KDM4C: variants seen among roughly 807,000 people sequenced by gnomAD.
KDM4C encodes the protein lysine-specific demethylase 4C.
Under a neutral mutation model 129.3 loss-of-function variants are expected in KDM4C, and 81 were observed. The observed-to-expected ratio is 0.63, with a 90% CI of 0.52 to 0.75. The LOEUF is 0.75. Among genes scored for constraint, KDM4C ranks in the 30% least tolerant of loss-of-function variants. The pLI is 0.00. For synonymous variants in KDM4C, 573 were observed against 456.1 expected, an observed-to-expected ratio of 1.26 and a Z score of -3.26; for missense variants, 1,457 against 1,304.0, an observed-to-expected ratio of 1.12 and a Z score of -1.81.
At chr9:6,933,405 A>G (rs1426182658) in intron 8 of KDM4C, among the ~76,000 whole-genome samples, 1 of 152,182 alleles carries the variant, frequency 6.6e-6, no homozygotes, top group African/African-American at 2.4e-5. Context: ...GGGCATAACC[A>G]TCAGTGGTTG....
rs1456340353 is a variant in KDM4C at position 7,105,389 on chromosome 9, A to C, written c.2610+1519A>C. On this transcript the variant is annotated intron_variant, in intron 18 of 21. Coordinates refer to ENST00000381309, the MANE Select transcript of KDM4C (RefSeq NM_015061.6). ...ATAAAACATGGTATCCCACCTCACC[A>C]TGTTGTTTTCAGTTCACAGCACAGA... 4 of 467,026 alleles carry C rather than the reference A, an allele frequency of 8.6e-6. No individual in the cohort carries two copies. The Admixed American group carries it at 9.5e-5, about 11-fold the overall frequency. The allele number at this position is 467,026 out of a possible 1,614,324, so 28.9% of individuals were successfully genotyped here. A position where few individuals can be genotyped will look rare whatever the true frequency, so the allele number is the denominator to read the frequency against.
At chr9:7,039,120 A>G (rs1295213613) in intron 15 of KDM4C, among the ~76,000 whole-genome samples, 4 of 151,640 alleles carry the variant, frequency 2.6e-5, no homozygotes, top group African/African-American at 4.8e-5. Flanking sequence ...ATTTTCCTAT[A>G]TTTTCTTATA....
At chr9:6,984,131 C>T (rs1401715211) in intron 9 of KDM4C, 35 bp from the exon 10 acceptor site, 3 of 1,391,200 alleles carry the variant, frequency 2.2e-6, no homozygotes, top group Non-Finnish European at 3.1e-6. Flanking sequence ...CCATTGCAGA[C>T]ATCCCGCTCT....
chr9:6,792,574 A>AG (rs1826880548), intron 1 of KDM4C, among the ~76,000 whole-genome samples: 1 of 151,970 alleles, frequency 6.6e-6, no homozygotes, highest in Admixed American at 6.6e-5. Flanking sequence ...TTTTTAGTAG[A>AG]GGTGGGGTTT....
chr9:6,771,606 C>G (rs1018902101), intron 1 of KDM4C, among the ~76,000 whole-genome samples: 1 of 152,066 alleles, frequency 6.6e-6, no homozygotes, highest in Non-Finnish European at 1.5e-5. Context: ...CCACTGCACC[C>G]GGCCAGTATT....
intron 1 of KDM4C, among the ~76,000 whole-genome samples, chr9:6,744,995 C>T (rs1383835966): frequency 6.6e-6 from 1 of 152,176 alleles, no homozygotes; most frequent in Non-Finnish European, 1.5e-5. Context: ...TCCTCCTCCA[C>T]CTCCTGGTCC....
chr9:7,016,189 A>G (rs1402510623), intron 15 of KDM4C, among the ~76,000 whole-genome samples: 5 of 151,086 alleles, frequency 3.3e-5, no homozygotes, highest in Non-Finnish European at 5.9e-5. Context: ...GTGCAGTGGC[A>G]AGATCTTGGC....
chr9:6,899,550 T>TGTGTGTGTGA, intron 8 of KDM4C, among the ~76,000 whole-genome samples: 1 of 151,206 alleles, frequency 6.6e-6, no homozygotes, highest in South Asian at 2.1e-4. Context: ...GGGGTGTGTG[T>TGTGTGTGTGA]GTGTGTGTGT....
At chr9:6,980,850 G>A in intron 8 of KDM4C, 75 bp from the exon 9 acceptor site, 1 of 1,230,084 alleles carries the variant, frequency 8.1e-7, no homozygotes, top group South Asian at 1.3e-5. Context: ...CATGGATGAT[G>A]TGTTCAAGGA....
At chr9:7,118,174 A>G (rs948715315) in intron 18 of KDM4C, among the ~76,000 whole-genome samples, 4 of 152,248 alleles carry the variant, frequency 2.6e-5, no homozygotes, top group African/African-American at 9.6e-5. Flanking sequence ...TTCTACAGAC[A>G]TTAAAGTGAA....
chr9:6,931,067 C>G (rs1419716098), intron 8 of KDM4C, among the ~76,000 whole-genome samples: 1 of 152,150 alleles, frequency 6.6e-6, no homozygotes, highest in Non-Finnish European at 1.5e-5. Flanking sequence ...CTGGCATTTA[C>G]ACAGAGTTGC....
At chr9:6,749,561 G>A (rs1483730250) in intron 1 of KDM4C, among the ~76,000 whole-genome samples, 1 of 152,052 alleles carries the variant, frequency 6.6e-6, no homozygotes, top group African/African-American at 2.4e-5. Flanking sequence ...CCAGCTACTT[G>A]GGAGGCTGTG....
intron 8 of KDM4C, among the ~76,000 whole-genome samples, chr9:6,938,805 A>G (rs1427718437): frequency 6.6e-6 from 1 of 152,022 alleles, no homozygotes; most frequent in Non-Finnish European, 1.5e-5. Flanking sequence ...GAGTAGAAAG[A>G]TGGTAATTTT....
chr9:6,933,632 A>G (rs972400873), intron 8 of KDM4C, among the ~76,000 whole-genome samples: 1 of 152,214 alleles, frequency 6.6e-6, no homozygotes, highest in African/African-American at 2.4e-5. Context: ...GTAAAGTTTA[A>G]CTTGTTGGTA....
At chr9:7,117,953 TTAGAATACG>T (rs1183483751) in intron 18 of KDM4C, among the ~76,000 whole-genome samples, 1 of 152,168 alleles carries the variant, frequency 6.6e-6, no homozygotes, top group East Asian at 1.9e-4. Flanking sequence ...TGCTTACTCT[TTAGAATACG>T]TAGCAAGCAG....
chr9:6,722,410 G>A (rs1183104769), intron 1 of KDM4C, among the ~76,000 whole-genome samples: 1 of 152,124 alleles, frequency 6.6e-6, no homozygotes, highest in Non-Finnish European at 1.5e-5. Context: ...GGGCTTGGTG[G>A]CTCAAGCCTG....
chr9:7,026,859 C>G (rs879776975), intron 15 of KDM4C, among the ~76,000 whole-genome samples: 47 of 151,890 alleles, frequency 3.1e-4, no homozygotes, highest in African/African-American at 1.1e-3. Flanking sequence ...TCTGCTTGAT[C>G]AGTTCTGTCC....
At chr9:7,129,218 T>C (rs1417634827) in intron 19 of KDM4C, among the ~76,000 whole-genome samples, 1 of 152,220 alleles carries the variant, frequency 6.6e-6, no homozygotes, top group East Asian at 1.9e-4. Flanking sequence ...CACTTGAAAA[T>C]TAAATGTAAC....
chr9:6,813,364 A>T (rs889669739), intron 3 of KDM4C, among the ~76,000 whole-genome samples: 4 of 152,126 alleles, frequency 2.6e-5, no homozygotes, highest in African/African-American at 9.7e-5. Context: ...TGTGCTTTAT[A>T]TTCTAGTGTT....
Sources: allele counts gnomAD v4.1 joint callset (sites outside exome capture counted in the v4.1 genomes callset), GRCh38; gene constraint gnomAD v4.1.1; transcripts MANE v1.5; gene names NCBI Gene and HGNC (gene_info 2026-07-23, HGNC 2026-07-21).